Variants in TIAM1 observed in about 807,000 individuals in gnomAD.
TIAM1 encodes rho guanine nucleotide exchange factor TIAM1.
Under a neutral mutation model 163.5 loss-of-function variants are expected in TIAM1, and 65 were observed. The ratio of observed to expected loss-of-function variants is 0.40; its 90% CI spans 0.33 to 0.49. The LOEUF (loss-of-function observed/expected upper bound fraction) is 0.49, where lower values mean the gene tolerates loss of function less well. Ranked by LOEUF, TIAM1 falls within the 20% of genes least tolerant of loss-of-function variation. TIAM1 has a pLI of 0.77. For missense variants in TIAM1, 1,789 were observed against 2,044.7 expected (o/e 0.87, Z 2.41); for synonymous variants, 833 against 810.1 (o/e 1.03, Z -0.48).
chr21:31,195,044 A>G (rs772224613), intron 13 of TIAM1, among the ~76,000 whole-genome samples, 180 bp downstream of exon 13: 23 of 152,262 alleles, frequency 1.5e-4, no homozygotes, highest in Non-Finnish European at 3.4e-4. Context: ...CAAAGTCTAC[A>G]TCGTACCCAG....
intron 1 of TIAM1, among the ~76,000 whole-genome samples, chr21:31,554,088 GCT>G (rs1007990170): frequency 6.6e-6 from 1 of 152,144 alleles, no homozygotes; most frequent in African/African-American, 2.4e-5. Context: ...GCAGGAGAAC[GCT>G]CCTTTGGAAA....
At chr21:31,345,354 C>A (rs1006758689), upstream of TIAM1, among the ~76,000 whole-genome samples, 9 of 151,858 alleles carry the variant, frequency 5.9e-5, no homozygotes, top group Non-Finnish European at 1.2e-4. Context: ...GACTCAAATG[C>A]CAGCCAGGGA....
At chr21:31,466,128 G>GGTAA (rs2045523917) in intron 1 of TIAM1, among the ~76,000 whole-genome samples, 2 of 152,334 alleles carry the variant, frequency 1.3e-5, no homozygotes, top group East Asian at 3.9e-4. Flanking sequence ...TTTTACAAAT[G>GGTAA]GTAAGGCAGA....
At chr21:31,544,855 T>C (rs1489294093) in intron 1 of TIAM1, among the ~76,000 whole-genome samples, 1 of 151,500 alleles carries the variant, frequency 6.6e-6, no homozygotes, top group Non-Finnish European at 1.5e-5. Flanking sequence ...CTACTAAAAA[T>C]ACAAAAAATT....
At chr21:31,381,540 C>T (rs1464451666) in intron 2 of TIAM1, among the ~76,000 whole-genome samples, 2 of 152,078 alleles carry the variant, frequency 1.3e-5, no homozygotes, top group African/African-American at 2.4e-5. Context: ...TGATGGTACA[C>T]GCCTGTACTC....
intron 2 of TIAM1, among the ~76,000 whole-genome samples, chr21:31,443,502 T>C (rs774495126): frequency 1.3e-5 from 2 of 152,244 alleles, no homozygotes; most frequent in Non-Finnish European, 2.9e-5. Flanking sequence ...ATTCTTTCAA[T>C]GCATTCTCCT....
chr21:31,343,040 T>C lies in TIAM1; in HGVS notation c.-369+1098A>G, dbSNP rs552328309. Among the ~76,000 whole-genome samples the C allele has an allele frequency of 1.2e-3, 186 of 152,352 alleles. 1 individual carries two copies. Among genetic ancestry groups the C allele is most frequent in the African/African-American group, 4.3e-3 (177 of 41,582 alleles). Reference sequence around the variant, plus strand: ...CCAGACCTGGGAAAGAACATTTGGCTTGCTATAAATACAACAGGAGCCACA... The same window carrying C: ...CCAGACCTGGGAAAGAACATTTGGCCTGCTATAAATACAACAGGAGCCACA... On this transcript the variant is annotated intron_variant, in intron 1 of 27. Coordinates refer to ENST00000541036, the MANE Select transcript of TIAM1 (RefSeq NM_001353694.2).
intron 1 of TIAM1, among the ~76,000 whole-genome samples, chr21:31,343,923 C>G (rs753962444): frequency 6.6e-6 from 1 of 152,226 alleles, no homozygotes; most frequent in East Asian, 1.9e-4. Context: ...GCAGCTCAGC[C>G]GGCAACGCGC....
chr21:31,430,804 A>G (rs1043508072), intron 2 of TIAM1, among the ~76,000 whole-genome samples: 3 of 152,138 alleles, frequency 2.0e-5, no homozygotes, highest in Admixed American at 1.3e-4. Context: ...TTTTGAGTCT[A>G]TCATAAAGTA....
At chr21:31,302,570 C>G (rs897785159) in intron 2 of TIAM1, among the ~76,000 whole-genome samples, 2 of 152,164 alleles carry the variant, frequency 1.3e-5, no homozygotes, top group Admixed American at 1.3e-4. Flanking sequence ...ACATTTCTTC[C>G]ACTTAATGTA....
At chr21:31,322,007 C>T (rs1477945381) in intron 2 of TIAM1, among the ~76,000 whole-genome samples, 2 of 151,928 alleles carry the variant, frequency 1.3e-5, no homozygotes, top group African/African-American at 2.4e-5. Context: ...GAGCCAAGAT[C>T]GTGCCACCTG....
In TIAM1 at chr21:31,266,563, T is replaced by A; in HGVS notation, c.410A>T (p.Asp137Val). Residue 137 changes from aspartate to valine, a missense_variant, in exon 4 of 28, where the codon GAT becomes GTT. Transcript: ENST00000541036. The stretch of plus-strand genomic sequence containing the variant: ...TCCCTCAGCCAAATATGTAGCGTCA[T>A]CCCCGTAAAGCCTGCTCTCCTCAGT... ...PDTEESRLYGDDATYLAEGGR... is the reference protein window; with the variant it reads ...PDTEESRLYGVDATYLAEGGR... The A allele has an allele frequency of 6.2e-7, 1 of 1,614,192 alleles. No individual in the cohort carries two copies. The highest frequency in any genetic ancestry group is 8.5e-7 in the Non-Finnish European group (1 of 1,180,036).
chr21:31,277,838 C>T (rs963696878), intron 2 of TIAM1, among the ~76,000 whole-genome samples: 14 of 152,126 alleles, frequency 9.2e-5, no homozygotes, highest in African/African-American at 3.4e-4. Flanking sequence ...GGACCTCTTT[C>T]CTGTAACAAT....
rs2081937844 is a variant in TIAM1 at position 31,119,893 on chromosome 21, TGGAAGAG to T, written c.*468_*474del. Reference sequence around the variant, plus strand: ...TAAAATACACGGAGATTCTCAGACATGGAAGAGGGAAGGGTACAGTCAGAACACGGCA... The same window carrying T: ...TAAAATACACGGAGATTCTCAGACATGGAAGGGTACAGTCAGAACACGGCA... On this transcript the variant is annotated 3_prime_UTR_variant, in exon 28 of 28. Transcript: ENST00000541036. The T allele has an allele frequency of 6.6e-6, 1 of 152,100 alleles. No individual in the cohort carries two copies. Among genetic ancestry groups the T allele is most frequent in the Admixed American group, 6.5e-5 (1 of 15,270 alleles). 9.4% of individuals were successfully genotyped at this position (152,100 alleles called of 1,614,324 possible).
chr21:31,323,263 G>C (rs1036211914), intron 2 of TIAM1, among the ~76,000 whole-genome samples: 8 of 151,386 alleles, frequency 5.3e-5, no homozygotes, highest in African/African-American at 1.5e-4. Context: ...ACTCCAGCCT[G>C]GGCAACAGAG....
intron 14 of TIAM1, among the ~76,000 whole-genome samples, chr21:31,184,336 C>T (rs2085178803): frequency 1.3e-5 from 2 of 152,188 alleles, no homozygotes; most frequent in South Asian, 4.1e-4. Context: ...GAACTCCTCA[C>T]CTCAGGTGAT....
chr21:31,245,441 C>T (rs751766540), intron 6 of TIAM1, 47 bp downstream of exon 6: 5 of 1,311,722 alleles, frequency 3.8e-6, no homozygotes, highest in Non-Finnish European at 4.9e-6. Context: ...AAGAAGGTAG[C>T]CAGTTCAGAG....
intron 1 of TIAM1, among the ~76,000 whole-genome samples, chr21:31,514,071 T>C (rs1330218298): frequency 5.3e-5 from 8 of 152,114 alleles, no homozygotes. Context: ...GGGACATTTC[T>C]GGAAGGAAAA....
chr21:31,396,969 T>A (rs2077084137), intron 2 of TIAM1, among the ~76,000 whole-genome samples: 1 of 151,970 alleles, frequency 6.6e-6, no homozygotes, highest in South Asian at 2.1e-4. Flanking sequence ...AAAATTTAAA[T>A]AATATTTTAT....
Sources: gnomAD v4.1 joint callset for allele counts (sites outside exome capture counted in the v4.1 genomes callset) on GRCh38, gnomAD v4.1.1 for gene constraint, MANE v1.5 for transcripts, NCBI Gene and HGNC (gene_info 2026-07-23, HGNC 2026-07-21) for gene names.